The following IPO11 variants were observed in gnomAD, a reference collection of about 807,000 sequenced individuals.
IPO11 encodes the protein importin-11.
Under a neutral mutation model 143.2 loss-of-function variants are expected in IPO11, and 66 were observed. The ratio of observed to expected loss-of-function variants is 0.46; its 90% confidence interval spans 0.38 to 0.57. IPO11 has a LOEUF of 0.57. Ranked by LOEUF, IPO11 falls within the 20% of genes least tolerant of loss-of-function variation. The probability of loss-of-function intolerance (pLI) is 0.00; values close to 1 mark genes in which losing one functional copy is unlikely to be tolerated. For synonymous variants in IPO11, 385 were observed against 377.8 expected (o/e 1.02, Z -0.22); for missense variants, 1,026 against 1,141.0 (o/e 0.90, Z 1.45).
chr5:62,526,313 C>A, intron 21 of IPO11, 56 bp downstream of exon 21: 3 of 1,220,570 alleles, frequency 2.5e-6, no homozygotes, highest in Non-Finnish European at 3.6e-6. Flanking sequence ...CTTTCCTACT[C>A]TCATGCCAGT....
At chr5:62,507,776 A>C (rs539377494) in intron 19 of IPO11, among the ~76,000 whole-genome samples, 1 of 152,340 alleles carries the variant, frequency 6.6e-6, no homozygotes, top group East Asian at 1.9e-4. Flanking sequence ...TTGGAATTAA[A>C]ACTTTTTCTG....
At chr5:62,592,096 T>C (rs988388272) in intron 28 of IPO11, among the ~76,000 whole-genome samples, 1 of 152,188 alleles carries the variant, frequency 6.6e-6, no homozygotes, top group Non-Finnish European at 1.5e-5. Flanking sequence ...GTGATCTGCC[T>C]GCCTCTGCCT....
rs144854524 is a variant in IPO11 at position 62,608,812 on chromosome 5, T to C, written c.2763+6964T>C. Among the ~76,000 whole-genome samples, 40 of 152,370 alleles carry C rather than the reference T, an allele frequency of 2.6e-4. No individual in the cohort carries two copies. In the East Asian group the frequency reaches 7.7e-3, roughly 29 times the overall value. ...TATGTTAGGGTTCACTCTGGTATTG[T>C]ACATTCTATGGGTCTTAATAAATGT... is the stretch of plus-strand genomic sequence containing the variant. On this transcript the variant is annotated intron_variant, in intron 29 of 29. Transcript: ENST00000325324.
chr5:62,477,135 C>CA (rs1368746560), intron 9 of IPO11, among the ~76,000 whole-genome samples: 1 of 152,154 alleles, frequency 6.6e-6, no homozygotes, highest in East Asian at 1.9e-4. Context: ...GAATGACCAT[C>CA]AGACTATCTT....
intron 26 of IPO11, among the ~76,000 whole-genome samples, chr5:62,552,823 T>A (rs533647166): frequency 2.6e-5 from 4 of 152,148 alleles, no homozygotes; most frequent in African/African-American, 9.7e-5. Flanking sequence ...CTCTTAAAAA[T>A]TTTTTTAATT....
intron 3 of IPO11, among the ~76,000 whole-genome samples, chr5:62,449,494 G>T (rs1163980069): frequency 2.0e-5 from 3 of 150,476 alleles, no homozygotes; most frequent in African/African-American, 7.3e-5. Flanking sequence ...ATATTTACTT[G>T]TATAGATTTT....
At chr5:62,458,462 G>A (rs761798962) in intron 5 of IPO11, among the ~76,000 whole-genome samples, 4 of 152,054 alleles carry the variant, frequency 2.6e-5, no homozygotes, top group East Asian at 1.9e-4. Context: ...CGCTATGCCC[G>A]GCTAATTTTT....
intron 9 of IPO11, among the ~76,000 whole-genome samples, chr5:62,480,056 G>T (rs918104841): frequency 6.6e-6 from 1 of 152,042 alleles, no homozygotes; most frequent in African/African-American, 2.4e-5. Context: ...TTTCTTCTAG[G>T]GTTTTTATGG....
chr5:62,562,759 G>A (rs1482352725), intron 27 of IPO11, among the ~76,000 whole-genome samples: 1 of 152,140 alleles, frequency 6.6e-6, no homozygotes, highest in East Asian at 1.9e-4. Context: ...TGTTCTTTAT[G>A]TATTATTTAC....
chr5:62,538,034 A>G (rs1015832501), intron 24 of IPO11, among the ~76,000 whole-genome samples: 1 of 152,182 alleles, frequency 6.6e-6, no homozygotes, highest in Non-Finnish European at 1.5e-5. Context: ...AAATAAATAT[A>G]AAATTGATTA....
chr5:62,446,749 G>A (rs895636020), intron 3 of IPO11, among the ~76,000 whole-genome samples: 1 of 152,044 alleles, frequency 6.6e-6, no homozygotes, highest in Non-Finnish European at 1.5e-5. Context: ...CGGGCAGGTC[G>A]CCTGAGGTCA....
intron 1 of IPO11, 101 bp from the exon 2 acceptor site, chr5:62,437,173 G>C: frequency 3.7e-6 from 3 of 818,656 alleles, no homozygotes; most frequent in Non-Finnish European, 3.7e-6. Context: ...AGATGAATGG[G>C]AGTAATTCAG....
At chr5:62,559,264 T>A (rs547155791) in intron 26 of IPO11, among the ~76,000 whole-genome samples, 11 of 152,070 alleles carry the variant, frequency 7.2e-5, no homozygotes, top group African/African-American at 2.7e-4. Flanking sequence ...GAAATTCTAC[T>A]GAAGACTGAA....
chr5:62,455,065 G>A (rs140083439), intron 5 of IPO11, among the ~76,000 whole-genome samples: 73 of 152,304 alleles, frequency 4.8e-4, no homozygotes, highest in African/African-American at 1.6e-3. Context: ...TACAAGATGT[G>A]TAGTTAATTG....
At chr5:62,441,552 G>T (rs1263321741) in intron 2 of IPO11, among the ~76,000 whole-genome samples, 15 of 104,368 alleles carry the variant, frequency 1.4e-4, no homozygotes, top group African/African-American at 2.3e-4. Flanking sequence ...TTTTGCTCTT[G>T]TTGCCCAGGC....
Position 62,623,650 on chromosome 5 carries a change from T to TC in IPO11, c.2764-3504_2764-3503insC, listed in dbSNP as rs1202117708. On this transcript the variant is annotated intron_variant, in intron 29 of 29. Transcript: ENST00000325324. Reference sequence around the variant, plus strand: ...TTTCTTTCTTTCTTCTTTTTCTTTTTTTTTTTTTTTTTTAAGACAGAGTTT... The same window carrying TC: ...TTTCTTTCTTTCTTCTTTTTCTTTTTCTTTTTTTTTTTTTAAGACAGAGTTT... 4.6e-5 allele frequency among the ~76,000 whole-genome samples: 7 copies of TC among 151,086 alleles called. No individual in the cohort carries two copies. In the East Asian group the frequency reaches 5.8e-4, roughly 13 times the overall value.
chr5:62,516,318 G>C (rs761563483), intron 20 of IPO11, among the ~76,000 whole-genome samples: 5 of 151,864 alleles, frequency 3.3e-5, no homozygotes, highest in Non-Finnish European at 7.4e-5. Context: ...TTTTGAGACG[G>C]AGTCTCGCTC....
chr5:62,436,943 T>C lies in IPO11; in HGVS notation c.-6-331T>C, dbSNP rs115970658. Among the ~76,000 whole-genome samples, 559 of 152,344 alleles carry C rather than the reference T, an allele frequency of 3.7e-3. 9 individuals are homozygous for C. The highest frequency in any genetic ancestry group is 0.013 in the African/African-American group (528 of 41,580). On this transcript the variant is annotated intron_variant, in intron 1 of 29. Transcript: ENST00000325324. ...AAAACGAAGACAGAAGACATTATGC[T>C]TAGTCTTGGGCACGTAATGGTACTT... is the stretch of plus-strand genomic sequence containing the variant.
chr5:62,586,768 AAT>A (rs56808416), intron 27 of IPO11, among the ~76,000 whole-genome samples: 494 of 28,870 alleles, frequency 0.017, 22 homozygotes, highest in Admixed American at 0.09. Flanking sequence ...AAAAAAAAAA[AAT>A]ATATATATAT....
Sources: allele counts gnomAD v4.1 joint callset (sites outside exome capture counted in the v4.1 genomes callset), GRCh38; gene constraint gnomAD v4.1.1; transcripts MANE v1.5; gene names NCBI Gene and HGNC (gene_info 2026-07-23, HGNC 2026-07-21).